Variants in DHDDS observed in about 807,000 individuals in gnomAD.
DHDDS encodes dehydrodolichyl diphosphate synthase subunit.
Under a neutral mutation model 46.2 loss-of-function variants are expected in DHDDS, and 16 were observed. The observed-to-expected ratio is 0.35, with a 90% CI of 0.23 to 0.53. The LOEUF (loss-of-function observed/expected upper bound fraction) is 0.53, where lower values mean the gene tolerates loss of function less well. Ranked by LOEUF, DHDDS falls within the 20% of genes least tolerant of loss-of-function variation. DHDDS has a pLI of 0.94. For missense variants in DHDDS, 340 were observed against 423.7 expected, an observed-to-expected ratio of 0.80 and a Z score of 1.73; for synonymous variants, 151 against 163.1, an observed-to-expected ratio of 0.93 and a Z score of 0.56.
At chr1:26,443,418 A>G (rs1223537997) in intron 4 of DHDDS, among the ~76,000 whole-genome samples, 1 of 152,212 alleles carries the variant, frequency 6.6e-6, no homozygotes, top group Non-Finnish European at 1.5e-5. Context: ...GAGGGATAGG[A>G]TGATGCATAA....
intron 6 of DHDDS, among the ~76,000 whole-genome samples, chr1:26,456,111 T>TA (rs1251344273): frequency 1.3e-5 from 2 of 152,252 alleles, no homozygotes; most frequent in Admixed American, 1.3e-4. Context: ...AAGTAGCTCT[T>TA]ATCAAACACA....
At chr1:26,433,106 T>C in intron 2 of DHDDS, 98 bp downstream of exon 2, 1 of 1,282,564 alleles carries the variant, frequency 7.8e-7, no homozygotes, top group Non-Finnish European at 1.1e-6. Flanking sequence ...GTGCAATTCA[T>C]GATGTTAAGT....
intron 3 of DHDDS, among the ~76,000 whole-genome samples, chr1:26,441,636 C>T (rs1275391039): frequency 3.9e-5 from 6 of 152,122 alleles, no homozygotes; most frequent in Non-Finnish European, 8.8e-5. Context: ...TAGCTCATGC[C>T]TGTAATCCCA....
At chr1:26,454,327 T>C (rs1384842000) in intron 6 of DHDDS, among the ~76,000 whole-genome samples, 2 of 152,114 alleles carry the variant, frequency 1.3e-5, no homozygotes, top group Non-Finnish European at 2.9e-5. Context: ...ATCAGCTTTT[T>C]CCATTAAGAA....
rs920474775 is a variant in DHDDS, at chr1:26,438,517, G to C, written c.180+233G>C. 3 of 479,796 alleles carry C rather than the reference G, an allele frequency of 6.3e-6. 1 individual carries two copies. Among genetic ancestry groups the C allele is most frequent in the Non-Finnish European group, 1.2e-5 (3 of 258,786 alleles). 29.7% of individuals were successfully genotyped at this position (479,796 alleles called of 1,614,324 possible). The stretch of plus-strand genomic sequence containing the variant: ...GGCAGGAGGATTGCTTGAGCCCAGG[G>C]GTTCAGGACTAGCCCGGGTAACATA... On this transcript the variant is annotated intron_variant, in intron 3 of 8. Transcript: ENST00000236342.
chr1:26,460,220 T>A, intron 8 of DHDDS, 76 bp downstream of exon 8: 1 of 1,145,526 alleles, frequency 8.7e-7, no homozygotes, highest in Non-Finnish European at 1.3e-6. Context: ...ACCACCTTAC[T>A]ATATACCAGG....
chr1:26,453,116 ACACACACT>A (rs1193873801), intron 6 of DHDDS, among the ~76,000 whole-genome samples: 1 of 152,016 alleles, frequency 6.6e-6, no homozygotes, highest in Admixed American at 6.6e-5. Flanking sequence ...ACACACACAC[ACACACACT>A]CACTTTTGAC....
intron 4 of DHDDS, among the ~76,000 whole-genome samples, chr1:26,445,189 A>C (rs545378808): frequency 6.6e-6 from 1 of 152,344 alleles, no homozygotes; most frequent in African/African-American, 2.4e-5. Context: ...GTAAGGATGG[A>C]ATGTGTTGGT....
At chr1:26,441,078 C>T (rs1056923992) in intron 3 of DHDDS, among the ~76,000 whole-genome samples, 1 of 152,098 alleles carries the variant, frequency 6.6e-6, no homozygotes, top group African/African-American at 2.4e-5. Flanking sequence ...GCCTGCGCCA[C>T]CACACCCGGC....
intron 4 of DHDDS, among the ~76,000 whole-genome samples, chr1:26,445,938 G>C (rs1394156102): frequency 6.6e-6 from 1 of 150,720 alleles, no homozygotes; most frequent in Non-Finnish European, 1.5e-5. Flanking sequence ...TGGGAGGATC[G>C]CTTAAACCCG....
Position 26,447,180 on chromosome 1 carries a change from T to C in DHDDS, c.441-379T>C, listed in dbSNP as rs140394068. On this transcript the variant is annotated intron_variant, in intron 5 of 8. Transcript: ENST00000236342. Reference sequence around the variant, plus strand: ...ACTAAAAATACAAAAATTAGCCAGGTGTGGTGGTGTGCACCTGTAATCCCA... The same window carrying C: ...ACTAAAAATACAAAAATTAGCCAGGCGTGGTGGTGTGCACCTGTAATCCCA... 4.2e-3 allele frequency among the ~76,000 whole-genome samples: 635 copies of C among 151,918 alleles called. 1 individual carries two copies. Among genetic ancestry groups the C allele is most frequent in the African/African-American group, 0.015 (602 of 41,430 alleles).
intron 4 of DHDDS, among the ~76,000 whole-genome samples, chr1:26,444,986 A>T (rs2075254351): frequency 6.6e-6 from 1 of 152,188 alleles, no homozygotes; most frequent in South Asian, 2.1e-4. Flanking sequence ...TTCTCACTGT[A>T]TGCAGAGTTT....
chr1:26,460,026 A>G lies in DHDDS; in HGVS notation c.658-11A>G, dbSNP rs1243630480. ...GTTACTAAATCATACTCTCCTCCCT[A>G]CCTTTCCCAGACCTCTCACTCCTGC... On this transcript the variant is annotated splice_polypyrimidine_tract_variant and intron_variant, in intron 7 of 8. Coordinates refer to ENST00000236342, the MANE Select transcript of DHDDS (RefSeq NM_205861.3). 3.1e-6 allele frequency: 5 copies of G among 1,607,988 alleles called. No individual in the cohort carries two copies. Among genetic ancestry groups the G allele is most frequent in the Middle Eastern group, 1.7e-4 (1 of 6,056 alleles).
chr1:26,469,038 G>A lies in DHDDS; in HGVS notation c.909G>A (p.Ser303=), dbSNP rs376517028. ...QLRRTRLHKL[S]ARREERVQGF... ...GAAGGACACGCTTGCACAAACTCTC[G>A]GCCAGACGGGAAGAGCGAGTCCAAG... is the stretch of plus-strand genomic sequence containing the variant. Residue 303 remains serine (S), a synonymous_variant, in exon 9 of 9, where the codon TCG becomes TCA. Coordinates refer to ENST00000236342, the MANE Select transcript of DHDDS (RefSeq NM_205861.3). The A allele has an allele frequency of 2.0e-5, 33 of 1,613,902 alleles. No individual in the cohort carries two copies. The highest frequency in any genetic ancestry group is 1.7e-4 in the Middle Eastern group (1 of 5,940).
At chr1:26,443,040 C>A in intron 4 of DHDDS, 167 bp downstream of exon 4, 11 of 1,095,984 alleles carry the variant, frequency 1.0e-5, no homozygotes, top group Non-Finnish European at 1.2e-5. Flanking sequence ...GTCTTTCATT[C>A]TTTATTTCTA....
At chr1:26,441,066 A>G (rs927065304) in intron 3 of DHDDS, among the ~76,000 whole-genome samples, 1 of 151,978 alleles carries the variant, frequency 6.6e-6, no homozygotes, top group Non-Finnish European at 1.5e-5. Context: ...CTGGGATTAC[A>G]GGCCTGCGCC....
At chr1:26,447,955 T>G in intron 6 of DHDDS, 1 of 585,564 alleles carries the variant, frequency 1.7e-6, no homozygotes, top group Admixed American at 3.1e-5. Context: ...ATTTAGAGAT[T>G]AGGATTGGCT....
Position 26,447,539 on chromosome 1 carries a change from T to C in DHDDS, c.441-20T>C. ...GTCCCTGTCCCCCTTTGGTAAATTA[T>C]TCTCTTCTTCCCTCCTCAGGTGTTT... is the stretch of plus-strand genomic sequence containing the variant. On this transcript the variant is annotated intron_variant, in intron 5 of 8. Coordinates refer to ENST00000236342, the MANE Select transcript of DHDDS (RefSeq NM_205861.3). 6.3e-7 allele frequency: 1 copy of C among 1,598,292 alleles called. No homozygotes were observed. The highest frequency in any genetic ancestry group is 8.6e-7 in the Non-Finnish European group (1 of 1,165,564).
intron 6 of DHDDS, among the ~76,000 whole-genome samples, chr1:26,456,938 CAG>C (rs2075375132): frequency 1.3e-5 from 2 of 152,160 alleles, no homozygotes; most frequent in African/African-American, 4.8e-5. Context: ...CTTTCCAAAT[CAG>C]TGCATTTAGA....
Sources: allele counts gnomAD v4.1 joint callset (sites outside exome capture counted in the v4.1 genomes callset), GRCh38; gene constraint gnomAD v4.1.1; transcripts MANE v1.5; gene names NCBI Gene and HGNC (gene_info 2026-07-23, HGNC 2026-07-21).